The following NOS1AP variants were observed in gnomAD, a reference collection of about 807,000 sequenced individuals.
NOS1AP encodes the protein nitric oxide synthase 1 adaptor protein, also known as carboxyl-terminal PDZ ligand of neuronal nitric oxide synthase protein.
In NOS1AP, 21 loss-of-function variants were observed where a neutral mutation model predicts 56.2. The observed-to-expected ratio is 0.37, with a 90% confidence interval of 0.26 to 0.54. The LOEUF (loss-of-function observed/expected upper bound fraction) is 0.54, where lower values mean the gene tolerates loss of function less well. Among genes scored for constraint, NOS1AP ranks in the 20% least tolerant of loss-of-function variants. The pLI is 0.84. For synonymous variants in NOS1AP, 270 were observed against 274.6 expected (o/e 0.98, Z 0.17); for missense variants, 522 against 657.8 (o/e 0.79, Z 2.26).
At chr1:162,163,501 C>T (rs1650328038) in intron 2 of NOS1AP, among the ~76,000 whole-genome samples, 1 of 152,120 alleles carries the variant, frequency 6.6e-6, no homozygotes, top group African/African-American at 2.4e-5. Flanking sequence ...AAAACAAAGT[C>T]CCTGTCTGCA....
At chr1:162,355,503 T>A in intron 7 of NOS1AP, 150 bp downstream of exon 7, 1 of 961,908 alleles carries the variant, frequency 1.0e-6, no homozygotes, top group Non-Finnish European at 1.6e-6. Flanking sequence ...TTTCAGAAGG[T>A]CTGACTTCCA....
At chr1:162,253,284 C>T (rs1371771249) in intron 2 of NOS1AP, among the ~76,000 whole-genome samples, 1 of 152,152 alleles carries the variant, frequency 6.6e-6, no homozygotes, top group African/African-American at 2.4e-5. Flanking sequence ...ATTGGACTCC[C>T]AGCCACTAGA....
intron 2 of NOS1AP, among the ~76,000 whole-genome samples, chr1:162,183,027 T>C (rs1651313589): frequency 1.3e-5 from 2 of 152,322 alleles, no homozygotes; most frequent in South Asian, 4.1e-4. Flanking sequence ...TTTGGGTCCT[T>C]CAGAGGAGTC....
chr1:162,192,497 G>A (rs1651677948), intron 2 of NOS1AP, among the ~76,000 whole-genome samples: 1 of 152,188 alleles, frequency 6.6e-6, no homozygotes, highest in South Asian at 2.1e-4. Flanking sequence ...AGGAATACAA[G>A]TGGCACTTGT....
At chr1:162,128,571 CA>C (rs977155484) in intron 1 of NOS1AP, among the ~76,000 whole-genome samples, 5 of 152,112 alleles carry the variant, frequency 3.3e-5, no homozygotes, top group African/African-American at 1.2e-4. Context: ...CACACCTTAA[CA>C]AAAACTCCTC....
chr1:162,300,969 T>C (rs922573288), intron 4 of NOS1AP, among the ~76,000 whole-genome samples: 4 of 152,200 alleles, frequency 2.6e-5, no homozygotes, highest in Admixed American at 1.3e-4. Context: ...ATTGGAGACC[T>C]TTTAAATTTG....
intron 2 of NOS1AP, among the ~76,000 whole-genome samples, chr1:162,173,840 A>G (rs1650925207): frequency 6.6e-6 from 1 of 152,240 alleles, no homozygotes; most frequent in Admixed American, 6.5e-5. Context: ...AGAGAAATGC[A>G]AATCAAAACC....
intron 1 of NOS1AP, among the ~76,000 whole-genome samples, chr1:162,097,290 A>C (rs532367773): frequency 1.3e-5 from 2 of 152,136 alleles, no homozygotes; most frequent in Non-Finnish European, 1.5e-5. Context: ...TAGGCATTCT[A>C]TCTAAATGCT....
chr1:162,105,793 G>A (rs1053735590), intron 1 of NOS1AP, among the ~76,000 whole-genome samples: 20 of 152,350 alleles, frequency 1.3e-4, no homozygotes, highest in Admixed American at 5.9e-4. Context: ...CACAGGGATG[G>A]TGGCTGGTCC....
At chr1:162,304,531 TAGAG>T (rs967797544) in intron 4 of NOS1AP, among the ~76,000 whole-genome samples, 6 of 151,904 alleles carry the variant, frequency 3.9e-5, no homozygotes, top group Non-Finnish European at 8.8e-5. Flanking sequence ...GAAGAAATAT[TAGAG>T]GGAATGGGGA....
intron 2 of NOS1AP, among the ~76,000 whole-genome samples, chr1:162,159,505 G>C (rs1370633707): frequency 6.6e-6 from 1 of 152,110 alleles, no homozygotes; most frequent in Non-Finnish European, 1.5e-5. Flanking sequence ...AATACCCTGA[G>C]AGATACTGAG....
intron 1 of NOS1AP, among the ~76,000 whole-genome samples, chr1:162,084,222 G>A (rs1691956655): frequency 6.6e-6 from 1 of 152,112 alleles, no homozygotes; most frequent in South Asian, 2.1e-4. Context: ...CTTGGTTCTT[G>A]GAGTGATGAA....
At chr1:162,108,395 T>C (rs1041711937) in intron 1 of NOS1AP, among the ~76,000 whole-genome samples, 3 of 152,074 alleles carry the variant, frequency 2.0e-5, no homozygotes, top group Non-Finnish European at 4.4e-5. Flanking sequence ...GAGTTTGTAG[T>C]GATACTCAAG....
At chr1:162,225,216 C>T (rs938578756) in intron 2 of NOS1AP, among the ~76,000 whole-genome samples, 1 of 152,210 alleles carries the variant, frequency 6.6e-6, no homozygotes, top group Non-Finnish European at 1.5e-5. Flanking sequence ...TACTTATTCA[C>T]GAGTTTTGGG....
At chr1:162,297,292 T>A (rs116672771) in intron 3 of NOS1AP, among the ~76,000 whole-genome samples, 1 of 152,176 alleles carries the variant, frequency 6.6e-6, no homozygotes, top group African/African-American at 2.4e-5. Flanking sequence ...GAGCAGACTG[T>A]CCTGATGGTA....
chr1:162,189,934 C>G (rs1386185931), intron 2 of NOS1AP, among the ~76,000 whole-genome samples: 1 of 152,030 alleles, frequency 6.6e-6, no homozygotes, highest in Non-Finnish European at 1.5e-5. Flanking sequence ...TGAGCTGGGC[C>G]CCTCCCAGCA....
chr1:162,102,037 A>G (rs1350292807), intron 1 of NOS1AP, among the ~76,000 whole-genome samples: 1 of 152,136 alleles, frequency 6.6e-6, no homozygotes, highest in African/African-American at 2.4e-5. Flanking sequence ...TCAAGGGGGA[A>G]TGCTTCTAGC....
Position 162,332,886 on chromosome 1 carries a change from G to T in NOS1AP, c.345-131G>T, listed in dbSNP as rs1009546855. ...TGCATTGTGACTTTTTGATCCTGAA[G>T]GAAGAAGACTTTCTGTAATAACTTG... On this transcript the variant is annotated intron_variant, in intron 4 of 9. Coordinates refer to ENST00000361897, the MANE Select transcript of NOS1AP (RefSeq NM_014697.3). The T allele has an allele frequency of 9.7e-6, 7 of 720,314 alleles. No individual in the cohort carries two copies. The South Asian group carries it at 1.0e-4, about 11-fold the overall frequency. 44.6% of individuals were successfully genotyped at this position (720,314 alleles called of 1,614,324 possible).
chr1:162,356,106 A>T (rs1474051071), intron 7 of NOS1AP, among the ~76,000 whole-genome samples: 3 of 152,208 alleles, frequency 2.0e-5, no homozygotes, highest in Non-Finnish European at 4.4e-5. Flanking sequence ...AGGGCAGTTC[A>T]GTTCTAAACT....
Sources: gnomAD v4.1 joint callset for allele counts (sites outside exome capture counted in the v4.1 genomes callset) on GRCh38, gnomAD v4.1.1 for gene constraint, MANE v1.5 for transcripts, NCBI Gene and HGNC (gene_info 2026-07-23, HGNC 2026-07-21) for gene names.